The following TRPM3 variants were observed in gnomAD, a reference collection of about 807,000 sequenced individuals.
The protein encoded by TRPM3 is long transient receptor potential channel 3.
A neutral mutation model predicts 181.2 loss-of-function variants in TRPM3; 77 were observed. The ratio of observed to expected loss-of-function variants is 0.42; its 90% confidence interval spans 0.35 to 0.51. The LOEUF (loss-of-function observed/expected upper bound fraction) is 0.51. TRPM3 is among the 20% of genes least tolerant of loss of function. The pLI is 0.01. For synonymous variants in TRPM3, 745 were observed against 796.4 expected (o/e 0.94, Z 1.09); for missense variants, 1,759 against 2,196.7 (o/e 0.80, Z 3.98).
chr9:70,651,119 C>A (rs568859830), intron 9 of TRPM3, among the ~76,000 whole-genome samples: 3 of 152,092 alleles, frequency 2.0e-5, no homozygotes, highest in South Asian at 2.1e-4. Flanking sequence ...GACCAACGTT[C>A]GGGTTATATA....
At chr9:71,026,757 C>T (rs1334284165) in intron 1 of TRPM3, among the ~76,000 whole-genome samples, 1 of 152,212 alleles carries the variant, frequency 6.6e-6, no homozygotes, top group Non-Finnish European at 1.5e-5. Context: ...TAAGCGGCCA[C>T]CACTGCCAGT....
intron 21 of TRPM3, among the ~76,000 whole-genome samples, chr9:70,594,879 C>A (rs2058737131): frequency 6.6e-6 from 1 of 152,122 alleles, no homozygotes; most frequent in Non-Finnish European, 1.5e-5. Flanking sequence ...GCCTGGTGGT[C>A]CATCTGACTC....
At chr9:71,331,891 G>GGAGAGGGA (rs2090201528) in intron 1 of TRPM3, among the ~76,000 whole-genome samples, 1 of 67,790 alleles carries the variant, frequency 1.5e-5, no homozygotes, top group Non-Finnish European at 3.0e-5. Flanking sequence ...GAGGAAGAAG[G>GGAGAGGGA]GGAGGAAGAA....
chr9:71,446,901 CG>C, upstream of TRPM3: 1 of 1,427,390 alleles, frequency 7.0e-7, no homozygotes, highest in East Asian at 2.8e-5. Context: ...CTCCTCGCCG[CG>C]GGTCTCCCTC....
chr9:71,165,825 G>A (rs924030761), intron 1 of TRPM3, among the ~76,000 whole-genome samples: 8 of 152,298 alleles, frequency 5.3e-5, no homozygotes, highest in East Asian at 1.9e-4. Flanking sequence ...CCAGAGTTGA[G>A]CATGGTAAAA....
At chr9:70,860,694 A>T (rs1457617534) in intron 3 of TRPM3, among the ~76,000 whole-genome samples, 1 of 152,222 alleles carries the variant, frequency 6.6e-6, no homozygotes, top group Non-Finnish European at 1.5e-5. Context: ...AAAATAAAAT[A>T]TAAGATATGT....
At chr9:70,744,706 A>G (rs1243981267) in intron 8 of TRPM3, among the ~76,000 whole-genome samples, 1 of 152,214 alleles carries the variant, frequency 6.6e-6, no homozygotes, top group African/African-American at 2.4e-5. Context: ...GGCAGAAGGT[A>G]TTCCAAGAAT....
chr9:71,338,622 A>G (rs908289269), intron 1 of TRPM3, among the ~76,000 whole-genome samples: 1 of 150,614 alleles, frequency 6.6e-6, no homozygotes, highest in Non-Finnish European at 1.5e-5. Flanking sequence ...AAAGTAATCA[A>G]AATCCTAAAA....
intron 1 of TRPM3, among the ~76,000 whole-genome samples, chr9:71,152,506 T>A (rs2075786376): frequency 6.6e-6 from 1 of 152,174 alleles, no homozygotes; most frequent in African/African-American, 2.4e-5. Context: ...ACTAGATCAT[T>A]TATACCCAAT....
chr9:70,594,289 G>A (rs1304816628), intron 21 of TRPM3, among the ~76,000 whole-genome samples: 1 of 151,960 alleles, frequency 6.6e-6, no homozygotes, highest in Non-Finnish European at 1.5e-5. Flanking sequence ...AAATGTTAAT[G>A]TATTATTATT....
In TRPM3 at chr9:70,678,713, A is replaced by C. The variant is rs186661358; in HGVS notation, c.1345+2793T>G. Reference sequence around the variant, plus strand: ...GCAGAATAAAAACTGGATTGCACAAAGTTTCTACATGCATTAGATAATTGC... The same window carrying C: ...GCAGAATAAAAACTGGATTGCACAACGTTTCTACATGCATTAGATAATTGC... On this transcript the variant is annotated intron_variant, in intron 9 of 25. Coordinates refer to ENST00000677713, the MANE Select transcript of TRPM3 (RefSeq NM_001366145.2). Among the ~76,000 whole-genome samples, 3 of 152,202 alleles carry C rather than the reference A, an allele frequency of 2.0e-5. No individual in the cohort carries two copies. The East Asian group carries it at 5.8e-4, about 29-fold the overall frequency.
intron 1 of TRPM3, among the ~76,000 whole-genome samples, chr9:71,297,917 G>C (rs934805808): frequency 6.6e-6 from 1 of 152,124 alleles, no homozygotes; most frequent in African/African-American, 2.4e-5. Flanking sequence ...ACAATAAAAG[G>C]TGAACGGCTC....
chr9:71,115,289 C>T (rs1280292626), intron 1 of TRPM3, among the ~76,000 whole-genome samples: 1 of 152,092 alleles, frequency 6.6e-6, no homozygotes, highest in East Asian at 1.9e-4. Context: ...AATGCAAATT[C>T]CTGAACCCAC....
chr9:71,403,995 G>A (rs997520171), intron 1 of TRPM3, among the ~76,000 whole-genome samples: 3 of 152,132 alleles, frequency 2.0e-5, no homozygotes, highest in African/African-American at 4.8e-5. Flanking sequence ...ATATACTGAG[G>A]CAGAGTAAGC....
Position 70,529,952 on chromosome 9 carries a change from TG to T in TRPM3, c.*6000del, listed in dbSNP as rs1485114994. 1 of 152,292 alleles carries T rather than the reference TG, an allele frequency of 6.6e-6. No homozygotes were observed. Among genetic ancestry groups the T allele is most frequent in the Non-Finnish European group, 1.5e-5 (1 of 68,066 alleles). The allele number at this position is 152,292 out of a possible 1,614,324, so 9.4% of individuals were successfully genotyped here. ...GTCCAGTTCACACATTTGTGTTTTC[TG>T]GATCCGGCCCCTCCATGTGTTTGAA... On this transcript the variant is annotated 3_prime_UTR_variant, in exon 26 of 26. Transcript: ENST00000677713.
chr9:71,134,454 A>T (rs1338515976), intron 1 of TRPM3, among the ~76,000 whole-genome samples: 1 of 149,624 alleles, frequency 6.7e-6, no homozygotes, highest in African/African-American at 2.5e-5. Context: ...TGGGAGGCTG[A>T]GGCAGGAGAA....
intron 1 of TRPM3, among the ~76,000 whole-genome samples, chr9:71,236,059 T>C (rs960932321): frequency 6.6e-6 from 1 of 152,210 alleles, no homozygotes; most frequent in African/African-American, 2.4e-5. Context: ...CTCCACAATT[T>C]TCTATGGTCT....
chr9:71,053,928 A>G (rs981011276), intron 1 of TRPM3, among the ~76,000 whole-genome samples: 5 of 152,222 alleles, frequency 3.3e-5, no homozygotes, highest in East Asian at 1.9e-4. Flanking sequence ...AAGAGCTTCA[A>G]TGTAAAAGGT....
intron 1 of TRPM3, among the ~76,000 whole-genome samples, chr9:71,147,689 G>C (rs918661379): frequency 6.6e-6 from 1 of 152,136 alleles, no homozygotes; most frequent in African/African-American, 2.4e-5. Flanking sequence ...CCCATTTCAA[G>C]TGTTCTAATC....
Sources: gnomAD v4.1 joint callset for allele counts (sites outside exome capture counted in the v4.1 genomes callset) on GRCh38, gnomAD v4.1.1 for gene constraint, MANE v1.5 for transcripts, NCBI Gene and HGNC (gene_info 2026-07-23, HGNC 2026-07-21) for gene names.